DDC: variants seen among roughly 807,000 people sequenced by gnomAD.
DDC encodes the protein dopa decarboxylase, also known as aromatic-L-amino-acid decarboxylase.
A neutral mutation model predicts 60.0 loss-of-function variants in DDC; 43 were observed. That is an observed-to-expected ratio of 0.72 (90% CI 0.56 to 0.92). The LOEUF is 0.92. Among genes scored for constraint, DDC ranks in the 40% least tolerant of loss-of-function variants. DDC has a pLI of 0.00. For synonymous variants in DDC, 232 were observed against 234.6 expected (o/e 0.99, Z 0.10); for missense variants, 573 against 620.2 (o/e 0.92, Z 0.81).
chr7:50,482,136 T>A (rs17665588), intron 9 of DDC, among the ~76,000 whole-genome samples: 2,922 of 152,296 alleles, frequency 0.019, 167 homozygotes, highest in Admixed American at 0.12. Flanking sequence ...GAGGAAAGCA[T>A]CTATCTACGG....
At chr7:50,528,419 T>G (rs2044101357) in intron 5 of DDC, 139 bp from the exon 6 acceptor site, 2 of 979,706 alleles carry the variant, frequency 2.0e-6, no homozygotes, top group South Asian at 2.6e-5. Context: ...TGCTCCTGAC[T>G]GCTCCCTCTC....
chr7:50,553,605 G>A (rs2045085727), intron 1 of DDC, among the ~76,000 whole-genome samples: 1 of 148,870 alleles, frequency 6.7e-6, no homozygotes, highest in Admixed American at 6.8e-5. Context: ...TCCTGCCTCA[G>A]CCTCCTGAGT....
At chr7:50,465,708 C>T (rs534303273) in intron 13 of DDC, among the ~76,000 whole-genome samples, 15 of 152,338 alleles carry the variant, frequency 9.8e-5, no homozygotes, top group African/African-American at 3.6e-4. Context: ...TGAATTATAT[C>T]TCAATAGAAC....
chr7:50,512,053 A>G (rs1019977143), intron 6 of DDC, among the ~76,000 whole-genome samples: 1 of 152,214 alleles, frequency 6.6e-6, no homozygotes, highest in African/African-American at 2.4e-5. Context: ...TATTGAAATA[A>G]AAAATTAAAA....
chr7:50,509,001 T>C (rs1169670632), intron 6 of DDC, among the ~76,000 whole-genome samples: 1 of 152,168 alleles, frequency 6.6e-6, no homozygotes, highest in African/African-American at 2.4e-5. Context: ...TCCTGTGTTC[T>C]CTCTCAGCAA....
rs2042711463 is a variant in DDC at position 50,479,109 on chromosome 7, A to AGAC, written c.1021+675_1021+677dup. Among the ~76,000 whole-genome samples the AGAC allele has an allele frequency of 3.9e-5, 6 of 152,246 alleles. No homozygotes were observed. The South Asian group carries it at 1.2e-3, about 32-fold the overall frequency. On this transcript the variant is annotated intron_variant, in intron 10 of 14. Transcript: ENST00000444124. ...CAGATACACTGGCCCAAGTCAAATG[A>AGAC]GACGACATAGGTGAAGTGCAAAAGC...
chr7:50,521,105 A>C (rs866370157), intron 6 of DDC, among the ~76,000 whole-genome samples: 2 of 152,140 alleles, frequency 1.3e-5, no homozygotes, highest in Middle Eastern at 3.4e-3. Context: ...TGCTAATATC[A>C]GAAAGGAAAG....
intron 9 of DDC, among the ~76,000 whole-genome samples, chr7:50,491,743 A>T (rs2043001794): frequency 6.6e-6 from 1 of 152,186 alleles, no homozygotes; most frequent in Admixed American, 6.5e-5. Flanking sequence ...AGACAAATAT[A>T]TCATTGACTA....
intron 9 of DDC, chr7:50,492,565 C>G: frequency 4.3e-6 from 2 of 461,996 alleles, no homozygotes; most frequent in Non-Finnish European, 6.0e-6. Context: ...TGCCCCACCA[C>G]TGTCGCCCAC....
rs1481409367 is a variant in DDC, at chr7:50,537,726, C to T, written c.435+134G>A. On this transcript the variant is annotated intron_variant, in intron 4 of 14. Transcript: ENST00000444124. ...CCCAAAGCCAGCATTTTCCCAAGAG[C>T]TCGGTTTTGTTTATTCTCCAGGAGA... 1.1e-5 allele frequency: 13 copies of T among 1,174,114 alleles called. No individual in the cohort carries two copies. In the East Asian group the frequency reaches 2.8e-4, roughly 26 times the overall value. 72.7% of individuals were successfully genotyped at this position (1,174,114 alleles called of 1,614,324 possible). A position where few individuals can be genotyped will look rare whatever the true frequency, so the allele number is the denominator to read the frequency against.
chr7:50,475,582 A>G (rs2042623793), intron 11 of DDC, among the ~76,000 whole-genome samples: 1 of 152,006 alleles, frequency 6.6e-6, no homozygotes, highest in Non-Finnish European at 1.5e-5. Context: ...TCATTATCAC[A>G]CCGGCTGCTG....
intron 6 of DDC, among the ~76,000 whole-genome samples, chr7:50,504,742 C>A (rs1379879631): frequency 1.3e-5 from 2 of 151,994 alleles, no homozygotes; most frequent in Non-Finnish European, 2.9e-5. Flanking sequence ...TGCATACACC[C>A]ATGTGCAATG....
intron 6 of DDC, among the ~76,000 whole-genome samples, chr7:50,515,933 A>G (rs557225337): frequency 2.6e-5 from 4 of 152,356 alleles, no homozygotes; most frequent in Non-Finnish European, 4.4e-5. Flanking sequence ...TCAAACAATT[A>G]CTACTAGACC....
chr7:50,542,243 A>C (rs2044656287), intron 2 of DDC: 1 of 152,178 alleles, frequency 6.6e-6, no homozygotes, highest in Non-Finnish European at 1.5e-5. Context: ...CCATATTTCT[A>C]GGGAGGAAGG....
intron 11 of DDC, among the ~76,000 whole-genome samples, chr7:50,474,081 A>G (rs527594803): frequency 4.6e-5 from 7 of 152,304 alleles, no homozygotes; most frequent in African/African-American, 1.7e-4. Flanking sequence ...CAGGGTGGGG[A>G]GTACAGGGGC....
At chr7:50,505,392 G>A (rs1220930070) in intron 6 of DDC, among the ~76,000 whole-genome samples, 2 of 152,180 alleles carry the variant, frequency 1.3e-5, no homozygotes, top group Non-Finnish European at 2.9e-5. Flanking sequence ...TTGCAGATGC[G>A]ACAAGAGTGT....
intron 6 of DDC, among the ~76,000 whole-genome samples, chr7:50,521,809 A>C (rs2043898285): frequency 6.6e-6 from 1 of 152,136 alleles, no homozygotes; most frequent in African/African-American, 2.4e-5. Flanking sequence ...ATGAATGAAA[A>C]ACCTACTCTT....
intron 10 of DDC, among the ~76,000 whole-genome samples, chr7:50,478,363 T>C (rs576042223): frequency 1.3e-5 from 2 of 152,344 alleles, no homozygotes; most frequent in East Asian, 3.9e-4. Context: ...TAATTAAAAC[T>C]AAAGGAAATT....
chr7:50,544,111 A>C lies in DDC; in HGVS notation c.-26T>G. 3 of 1,610,006 alleles carry C rather than the reference A, an allele frequency of 1.9e-6. No homozygotes were observed. Among genetic ancestry groups the C allele is most frequent in the Non-Finnish European group, 2.6e-6 (3 of 1,176,298 alleles). The stretch of plus-strand genomic sequence containing the variant: ...GGTGTCTGGGCTCTGTCAGAGGTGA[A>C]AACTGCAGAAAGAAAATGATTCAGT... On this transcript the variant is annotated splice_region_variant and 5_prime_UTR_variant, in exon 2 of 15. Coordinates refer to ENST00000444124, the MANE Select transcript of DDC (RefSeq NM_001082971.2).
Sources: gnomAD v4.1 joint callset for allele counts (sites outside exome capture counted in the v4.1 genomes callset) on GRCh38, gnomAD v4.1.1 for gene constraint, MANE v1.5 for transcripts, NCBI Gene and HGNC (gene_info 2026-07-23, HGNC 2026-07-21) for gene names.